CFAP44: variants seen among roughly 807,000 people sequenced by gnomAD.
CFAP44 encodes the protein cilia and flagella associated protein 44, also known as cilia- and flagella-associated protein 44.
CFAP44 carries 134 observed loss-of-function variants against 216.2 expected under a neutral mutation model. The ratio of observed to expected loss-of-function variants is 0.62; its 90% CI spans 0.54 to 0.72. The LOEUF (loss-of-function observed/expected upper bound fraction) is 0.72, where lower values mean the gene tolerates loss of function less well. Among genes scored for constraint, CFAP44 ranks in the 30% least tolerant of loss-of-function variants. CFAP44 has a pLI of 0.00. For synonymous variants in CFAP44, 700 were observed against 727.6 expected (o/e 0.96, Z 0.61); for missense variants, 2,035 against 2,182.1 (o/e 0.93, Z 1.34).
intron 15 of CFAP44, among the ~76,000 whole-genome samples, chr3:113,393,428 T>C (rs901639344): frequency 6.6e-6 from 1 of 152,074 alleles, no homozygotes; most frequent in East Asian, 1.9e-4. Flanking sequence ...CATGAATAGA[T>C]TGATGATTTC....
At chr3:113,347,476 C>T (rs752092804) in intron 22 of CFAP44, among the ~76,000 whole-genome samples, 7 of 152,114 alleles carry the variant, frequency 4.6e-5, no homozygotes, top group African/African-American at 1.2e-4. Flanking sequence ...AGGCTAATCC[C>T]GCTTCTAAAA....
Position 113,384,036 on chromosome 3 carries a change from T to G in CFAP44, c.1891-2976A>C, listed in dbSNP as rs139570235. On this transcript the variant is annotated intron_variant, in intron 15 of 34. Transcript: ENST00000393845. Reference sequence around the variant, plus strand: ...TGTTCCTGTGTTAGTTTGCTGAGAATGATGATTTCCAAATAGTTGACTTTT... The same window carrying G: ...TGTTCCTGTGTTAGTTTGCTGAGAAGGATGATTTCCAAATAGTTGACTTTT... Among the ~76,000 whole-genome samples, 353 of 151,992 alleles carry G rather than the reference T, an allele frequency of 2.3e-3. 3 individuals carry two copies. The highest frequency in any genetic ancestry group is 8.2e-3 in the African/African-American group (341 of 41,440).
At chr3:113,334,400 T>C (rs183152666) in intron 24 of CFAP44, among the ~76,000 whole-genome samples, 4 of 152,234 alleles carry the variant, frequency 2.6e-5, no homozygotes, top group African/African-American at 9.6e-5. Context: ...ACATTGTAAA[T>C]TATCAGAAAA....
intron 25 of CFAP44, among the ~76,000 whole-genome samples, chr3:113,331,081 A>T (rs895303398): frequency 1.3e-5 from 2 of 152,140 alleles, no homozygotes; most frequent in African/African-American, 4.8e-5. Context: ...ACTTAGACTC[A>T]CTTAGGGCTG....
chr3:113,344,419 C>A lies in CFAP44; in HGVS notation c.3262+97G>T, dbSNP rs954526792. Reference sequence around the variant, plus strand: ...AGGAAGAGGGGCAAGAGATTGAGCTCAAGCCACCAAAGAAGGTTCAATGGT... The same window carrying A: ...AGGAAGAGGGGCAAGAGATTGAGCTAAAGCCACCAAAGAAGGTTCAATGGT... On this transcript the variant is annotated intron_variant, in intron 23 of 34. Coordinates refer to ENST00000393845, the MANE Select transcript of CFAP44 (RefSeq NM_001164496.2). The A allele has an allele frequency of 2.8e-6, 3 of 1,077,594 alleles. No homozygotes were observed. In the East Asian group the frequency reaches 7.8e-5, roughly 28 times the overall value. The allele number at this position is 1,077,594 out of a possible 1,614,324, so 66.8% of individuals were successfully genotyped here.
At chr3:113,422,688 T>C (rs1409038331) in intron 4 of CFAP44, among the ~76,000 whole-genome samples, 2 of 152,296 alleles carry the variant, frequency 1.3e-5, no homozygotes, top group East Asian at 3.9e-4. Context: ...CACATCCCCT[T>C]CTTCCCTTTC....
rs756034722 is a variant in CFAP44 at position 113,381,006 on chromosome 3, G to A, written c.1945C>T (p.Leu649Phe). Residue 649 changes from leucine to phenylalanine, a missense_variant, in exon 16 of 35, where the codon CTT becomes TTT. Leu to Phe is a conservative substitution (Grantham distance 22). Around this residue, in one of 3 missense-constraint regions of CFAP44, gnomAD observed 1,883 missense variants for 2,023.7 expected, o/e 0.93. Coordinates refer to ENST00000393845, the MANE Select transcript of CFAP44 (RefSeq NM_001164496.2). ...CENGYILEAP[L>F]PTIKQEEDDH... ...TCCTCTTCTTGCTTTATGGTTGGAA[G>A]TGGAGCTTCAAGAATATAGCCATTT... The A allele has an allele frequency of 6.9e-6, 11 of 1,598,012 alleles. No homozygotes were observed. The highest frequency in any genetic ancestry group is 1.3e-5 in the African/African-American group (1 of 74,450).
At chr3:113,410,248 C>T (rs544617084) in intron 6 of CFAP44, among the ~76,000 whole-genome samples, 1 of 152,166 alleles carries the variant, frequency 6.6e-6, no homozygotes, top group East Asian at 1.9e-4. Context: ...GTGCTTCACC[C>T]ATTAACTCAA....
At chr3:113,303,545 T>G (rs1949958088) in intron 32 of CFAP44, among the ~76,000 whole-genome samples, 1 of 152,326 alleles carries the variant, frequency 6.6e-6, no homozygotes, top group Admixed American at 6.5e-5. Context: ...TGTGCATACC[T>G]GGTGGTGAAC....
At chr3:113,425,462 A>G (rs746040778) in intron 4 of CFAP44, among the ~76,000 whole-genome samples, 2 of 152,232 alleles carry the variant, frequency 1.3e-5, no homozygotes, top group Non-Finnish European at 2.9e-5. Flanking sequence ...GTTTCTACAT[A>G]TCTTAAAAGA....
chr3:113,414,713 C>T (rs942683500), intron 6 of CFAP44, among the ~76,000 whole-genome samples: 1 of 152,116 alleles, frequency 6.6e-6, no homozygotes, highest in African/African-American at 2.4e-5. Context: ...ATGAAGGCGG[C>T]GTGATCATGG....
At chr3:113,385,469 C>T (rs1285448301) in intron 15 of CFAP44, among the ~76,000 whole-genome samples, 1 of 152,018 alleles carries the variant, frequency 6.6e-6, no homozygotes, top group Non-Finnish European at 1.5e-5. Flanking sequence ...GATTTTCTTT[C>T]TTTTTTAAAA....
intron 19 of CFAP44, 99 bp downstream of exon 19, chr3:113,365,940 G>T: frequency 7.4e-7 from 1 of 1,346,788 alleles, no homozygotes; most frequent in Non-Finnish European, 1.0e-6. Flanking sequence ...AGGTGAATGT[G>T]TCTAAATAAC....
Position 113,409,104 on chromosome 3 carries a change from A to G in CFAP44, c.890+2T>C. 2 of 1,612,130 alleles carry G rather than the reference A, an allele frequency of 1.2e-6. No homozygotes were observed. The highest frequency in any genetic ancestry group is 1.7e-6 in the Non-Finnish European group (2 of 1,179,532). On this transcript the variant is annotated splice_donor_variant, in intron 7 of 34. Transcript: ENST00000393845. LOFTEE classifies it high-confidence loss of function. ...GGCACCTCTATTGGTTACCCAACCTACTTGATGTGGCCTGATCCCGATGTA... is the reference window on the plus strand; with the variant it reads ...GGCACCTCTATTGGTTACCCAACCTGCTTGATGTGGCCTGATCCCGATGTA...
Position 113,309,111 on chromosome 3 carries a change from T to G in CFAP44, c.4517-843A>C, listed in dbSNP as rs532769393. Among the ~76,000 whole-genome samples, 11 of 152,328 alleles carry G rather than the reference T, an allele frequency of 7.2e-5. No individual in the cohort carries two copies. In the East Asian group the frequency reaches 2.1e-3, roughly 29 times the overall value. ...GTCAGGCTTCTCTGAGTCCTTTTTC[T>G]GACTAGTTCCTGACCTTGAGCTGTG... On this transcript the variant is annotated intron_variant, in intron 28 of 34. Transcript: ENST00000393845.
chr3:113,292,381 G>A (rs79560868), intron 34 of CFAP44, among the ~76,000 whole-genome samples: 4,381 of 152,138 alleles, frequency 0.029, 110 homozygotes, highest in East Asian at 0.099. Context: ...TCTTTCCTGC[G>A]AGATCCTGTC....
At chr3:113,323,529 C>T (rs891226357) in intron 28 of CFAP44, among the ~76,000 whole-genome samples, 3 of 152,102 alleles carry the variant, frequency 2.0e-5, no homozygotes, top group African/African-American at 7.2e-5. Flanking sequence ...TGCTCACTAC[C>T]TGGGTGCAAT....
Position 113,363,577 on chromosome 3 carries a change from C to G in CFAP44, c.2716-45G>C, listed in dbSNP as rs776476429. 2.2e-5 allele frequency: 33 copies of G among 1,483,374 alleles called. No individual in the cohort carries two copies. In the East Asian group the frequency reaches 5.9e-4, roughly 26 times the overall value. The allele number at this position is 1,483,374 out of a possible 1,614,324, so 91.9% of individuals were successfully genotyped here. ...AGGTTAGCCCTTTAAAATTGCATAG[C>G]ATTTTCCTTAAAATATCTAGGAAGA... On this transcript the variant is annotated intron_variant, in intron 19 of 34. Transcript: ENST00000393845.
In CFAP44 at chr3:113,366,110, T is replaced by C; in HGVS notation, c.2644A>G (p.Ile882Val). Residue 882 changes from isoleucine (I) to valine (V), a missense_variant, in exon 19 of 35, where the codon ATC becomes GTC. Ile to Val is a conservative substitution (Grantham distance 29). Around this residue, in one of 3 missense-constraint regions of CFAP44, gnomAD observed 1,883 missense variants for 2,023.7 expected, o/e 0.93. Transcript: ENST00000393845. ...TCAGAAAAAATGTTGAAAACAAAGATATTGCCATCTGCTCCAGCAGTCACC... is the reference window on the plus strand; with the variant it reads ...TCAGAAAAAATGTTGAAAACAAAGACATTGCCATCTGCTCCAGCAGTCACC... ...FLVTAGADGNIFVFNIFSEFM... is the reference protein window; with the variant it reads ...FLVTAGADGNVFVFNIFSEFM... 1.9e-6 allele frequency: 3 copies of C among 1,614,018 alleles called. No individual in the cohort carries two copies. Among genetic ancestry groups the C allele is most frequent in the Non-Finnish European group, 1.7e-6 (2 of 1,179,958 alleles).
Sources: gnomAD v4.1 joint callset for allele counts (sites outside exome capture counted in the v4.1 genomes callset) on GRCh38, gnomAD v4.1.1 for gene constraint, gnomAD v4.1.1 regional missense constraint, MANE v1.5 for transcripts, NCBI Gene and HGNC (gene_info 2026-07-23, HGNC 2026-07-21) for gene names.